Variants in MNAT1 observed in about 807,000 individuals in gnomAD.
MNAT1 encodes CDK-activating kinase assembly factor MAT1.
Under a neutral mutation model 42.0 loss-of-function variants are expected in MNAT1, and 43 were observed. The ratio of observed to expected loss-of-function variants is 1.02; its 90% CI spans 0.80 to 1.32. MNAT1 has a LOEUF of 1.32. Ranked by LOEUF, MNAT1 falls within the 40% of genes most tolerant of loss-of-function variation. MNAT1 has a pLI of 0.00. For missense variants in MNAT1, 306 were observed against 350.4 expected, an observed-to-expected ratio of 0.87 and a Z score of 1.01; for synonymous variants, 118 against 120.0, an observed-to-expected ratio of 0.98 and a Z score of 0.11.
At chr14:60,817,587 A>G (rs138809390) in intron 5 of MNAT1, among the ~76,000 whole-genome samples, 193 of 152,148 alleles carry the variant, frequency 1.3e-3, no homozygotes, top group African/African-American at 4.4e-3. Flanking sequence ...AGTTATTTCT[A>G]TACTGTAACC....
intron 1 of MNAT1, among the ~76,000 whole-genome samples, chr14:60,786,412 T>C (rs2031652830): frequency 6.6e-6 from 1 of 152,150 alleles, no homozygotes; most frequent in Admixed American, 6.5e-5. Flanking sequence ...TTATAAGCAA[T>C]CTTTTATTGG....
chr14:60,777,743 G>A (rs1401420400), intron 1 of MNAT1, among the ~76,000 whole-genome samples: 1 of 152,018 alleles, frequency 6.6e-6, no homozygotes, highest in African/African-American at 2.4e-5. Flanking sequence ...TTACCATAGA[G>A]TCTGCTCTTG....
chr14:60,818,033 C>T (rs571700936), intron 5 of MNAT1, among the ~76,000 whole-genome samples: 14 of 151,960 alleles, frequency 9.2e-5, no homozygotes, highest in Admixed American at 9.2e-4. Flanking sequence ...TTAGTTTAGA[C>T]CTTAACTCCA....
chr14:60,748,021 AC>A (rs1208471496), intron 1 of MNAT1, among the ~76,000 whole-genome samples: 1 of 152,022 alleles, frequency 6.6e-6, no homozygotes, highest in African/African-American at 2.4e-5. Context: ...ACAGTGAAAC[AC>A]CGTCTCTACT....
chr14:60,845,207 T>A (rs959458848), intron 6 of MNAT1, among the ~76,000 whole-genome samples: 5 of 151,968 alleles, frequency 3.3e-5, no homozygotes, highest in South Asian at 4.1e-4. Flanking sequence ...GTTTTTTTTT[T>A]ATGTGTTTCT....
intron 1 of MNAT1, among the ~76,000 whole-genome samples, chr14:60,782,288 T>C (rs535070512): frequency 6.6e-6 from 1 of 152,282 alleles, no homozygotes; most frequent in South Asian, 2.1e-4. Flanking sequence ...AAGTTCATTC[T>C]TTATCATTTA....
intron 1 of MNAT1, among the ~76,000 whole-genome samples, chr14:60,764,036 T>C (rs1250115547): frequency 2.0e-5 from 3 of 152,210 alleles, no homozygotes; most frequent in Admixed American, 1.3e-4. Context: ...TTGTAATTCT[T>C]GAGTCATTGC....
At position 60,738,015 on chromosome 14, in the gene MNAT1, AT is replaced by A. The variant is rs1555371213; in HGVS notation, c.89+3071del. Among the ~76,000 whole-genome samples, 7 of 143,836 alleles carry A rather than the reference AT, an allele frequency of 4.9e-5. No individual in the cohort carries two copies. In the South Asian group the frequency reaches 1.3e-3, roughly 28 times the overall value. The allele number at this position is 143,836 out of a possible 152,430, so 94.4% of individuals were successfully genotyped here. A position where few individuals can be genotyped will look rare whatever the true frequency, so the allele number is the denominator to read the frequency against. On this transcript the variant is annotated intron_variant, in intron 1 of 7. Transcript: ENST00000261245. ...AGGCGCCCGCTACCACGCCCGGCTA[AT>A]TTTTTTGTATTTTTAGTAGAGACGG... is the stretch of plus-strand genomic sequence containing the variant.
intron 1 of MNAT1, among the ~76,000 whole-genome samples, chr14:60,744,896 A>C (rs1896570811): frequency 6.6e-6 from 1 of 152,116 alleles, no homozygotes; most frequent in African/African-American, 2.4e-5. Flanking sequence ...TGGGAACTCT[A>C]GGTATACCCA....
At chr14:60,932,027 AT>A (rs1566564589) in intron 7 of MNAT1, among the ~76,000 whole-genome samples, 1 of 151,740 alleles carries the variant, frequency 6.6e-6, no homozygotes, top group Non-Finnish European at 1.5e-5. Context: ...ACTCTTACTA[AT>A]TTTTTCTGAT....
In MNAT1 at chr14:60,917,224, T is replaced by G. The variant is rs185330404; in HGVS notation, c.809+37389T>G. On this transcript the variant is annotated intron_variant, in intron 7 of 7. Transcript: ENST00000261245. ...GCGTAGCCTCAGGCAAATGGAGAGG[T>G]CCTCTAACTTCTTTCTTAGGGTAGG... 4.1e-4 allele frequency among the ~76,000 whole-genome samples: 63 copies of G among 152,184 alleles called. 2 individuals carry two copies. The highest frequency in any genetic ancestry group is 1.4e-3 in the African/African-American group (60 of 41,524).
chr14:60,798,848 A>C (rs1414037988), intron 3 of MNAT1, among the ~76,000 whole-genome samples: 2 of 152,188 alleles, frequency 1.3e-5, no homozygotes, highest in African/African-American at 4.8e-5. Flanking sequence ...TGGAAATGAC[A>C]CAAAGGTTAT....
chr14:60,759,457 C>T (rs528069439), intron 1 of MNAT1, among the ~76,000 whole-genome samples: 9 of 152,226 alleles, frequency 5.9e-5, no homozygotes, highest in African/African-American at 1.9e-4. Flanking sequence ...AATGAGGAGA[C>T]ATCATGTAAA....
chr14:60,745,497 A>G (rs879275850), intron 1 of MNAT1, among the ~76,000 whole-genome samples: 10 of 151,770 alleles, frequency 6.6e-5, no homozygotes, highest in Non-Finnish European at 1.3e-4. Context: ...GCTCATTGCA[A>G]CCTTTGCCTC....
At chr14:60,808,215 A>G (rs2032437677) in intron 3 of MNAT1, 110 bp from the exon 4 acceptor site, 6 of 628,616 alleles carry the variant, frequency 9.5e-6, no homozygotes, top group South Asian at 4.6e-5. Context: ...AAATAGAGCT[A>G]TAAAGAATGA....
intron 1 of MNAT1, among the ~76,000 whole-genome samples, chr14:60,736,435 T>C (rs1896311955): frequency 6.6e-6 from 1 of 152,220 alleles, no homozygotes; most frequent in African/African-American, 2.4e-5. Context: ...ATTGGGCAAG[T>C]ATAAAATATT....
intron 7 of MNAT1, among the ~76,000 whole-genome samples, chr14:60,950,268 A>C (rs969873470): frequency 2.0e-5 from 3 of 152,164 alleles, no homozygotes; most frequent in African/African-American, 7.2e-5. Flanking sequence ...ATTGTAGTAT[A>C]TATATTTGAG....
chr14:60,771,538 T>A (rs1805507122), intron 1 of MNAT1, among the ~76,000 whole-genome samples: 1 of 152,198 alleles, frequency 6.6e-6, no homozygotes, highest in Non-Finnish European at 1.5e-5. Context: ...ACTTCTGTAT[T>A]CTAAACTCTG....
intron 7 of MNAT1, among the ~76,000 whole-genome samples, chr14:60,941,680 C>A (rs968767015): frequency 3.3e-5 from 5 of 150,364 alleles, no homozygotes. Flanking sequence ...CCAGTGTGAG[C>A]AATAGAGTTA....
Sources: gnomAD v4.1 joint callset for allele counts (sites outside exome capture counted in the v4.1 genomes callset) on GRCh38, gnomAD v4.1.1 for gene constraint, MANE v1.5 for transcripts, NCBI Gene and HGNC (gene_info 2026-07-23, HGNC 2026-07-21) for gene names.